Variants in RIMKLB observed in about 807,000 individuals in gnomAD.
The protein encoded by RIMKLB is ribosomal modification protein rimK like family member B, also known as beta-citrylglutamate synthase B.
RIMKLB carries 7 observed loss-of-function variants against 32.0 expected under a neutral mutation model. That is an observed-to-expected ratio of 0.22 (90% CI 0.12 to 0.41). The LOEUF (loss-of-function observed/expected upper bound fraction) is 0.41. Among genes scored for constraint, RIMKLB ranks in the 10% least tolerant of loss-of-function variants. The pLI is 1.00. For missense variants in RIMKLB, 289 were observed against 498.7 expected, an observed-to-expected ratio of 0.58 and a Z score of 4.00; for synonymous variants, 172 against 185.1, an observed-to-expected ratio of 0.93 and a Z score of 0.57.
intron 5 of RIMKLB, among the ~76,000 whole-genome samples, chr12:8,767,481 AG>A (rs1950063952): frequency 6.6e-6 from 1 of 152,200 alleles, no homozygotes; most frequent in Non-Finnish European, 1.5e-5. Flanking sequence ...ATTAGTACCT[AG>A]GAGGCAGGGA....
At chr12:8,753,789 G>T in intron 4 of RIMKLB, 101 bp from the exon 5 acceptor site, 1 of 902,228 alleles carries the variant, frequency 1.1e-6, no homozygotes, top group Non-Finnish European at 1.7e-6. Flanking sequence ...AATGTAGTTG[G>T]TTCTGAAATA....
At chr12:8,779,735 G>A (rs982155197), downstream of RIMKLB, 7 of 152,072 alleles carry the variant, frequency 4.6e-5, no homozygotes, top group African/African-American at 1.7e-4. Context: ...AGCTAATGTA[G>A]AATAAATTTG....
In RIMKLB at chr12:8,728,785, G is replaced by T. The variant is rs977671012; in HGVS notation, c.175+14744G>T. On this transcript the variant is annotated intron_variant, in intron 2 of 5. Coordinates refer to ENST00000535829, the MANE Select transcript of RIMKLB (RefSeq NM_001297776.2). The stretch of plus-strand genomic sequence containing the variant: ...TAATTGTGTGTGTGTGTGTGTGTGT[G>T]TGTTTTTGTTTGTTTGTTTGTTTGT... Among the ~76,000 whole-genome samples the T allele has an allele frequency of 1.1e-3, 162 of 143,256 alleles. 1 individual carries two copies. The highest frequency in any genetic ancestry group is 1.8e-3 in the Admixed American group (27 of 14,826). 94.0% of individuals were successfully genotyped at this position (143,256 alleles called of 152,430 possible).
rs1194244863 is a variant in RIMKLB, at chr12:8,776,801, G to A, written c.*3017G>A. 1 of 985,438 alleles carries A rather than the reference G, an allele frequency of 1.0e-6. No homozygotes were observed. The highest frequency in any genetic ancestry group is 1.2e-6 in the Non-Finnish European group (1 of 829,844). The allele number at this position is 985,438 out of a possible 1,614,324, so 61.0% of individuals were successfully genotyped here. On this transcript the variant is annotated 3_prime_UTR_variant, in exon 6 of 6. Transcript: ENST00000535829. Reference sequence around the variant, plus strand: ...CTGGAACAGTAGAAAAACCCAACAAGAGACTTGGCATTCATCAAGCACATT... The same window carrying A: ...CTGGAACAGTAGAAAAACCCAACAAAAGACTTGGCATTCATCAAGCACATT...
chr12:8,733,529 TAGAA>T (rs1162569835), intron 2 of RIMKLB, among the ~76,000 whole-genome samples: 5 of 152,130 alleles, frequency 3.3e-5, no homozygotes, highest in Non-Finnish European at 7.4e-5. Context: ...AGTGAGAAAC[TAGAA>T]TAAGTTGAGA....
intron 2 of RIMKLB, among the ~76,000 whole-genome samples, chr12:8,728,963 A>G (rs1221686632): frequency 6.6e-6 from 1 of 151,874 alleles, no homozygotes; most frequent in Non-Finnish European, 1.5e-5. Context: ...GGTGAACTCC[A>G]CTCACTTACT....
At chr12:8,750,140 G>C (rs757962762) in intron 3 of RIMKLB, 48 bp downstream of exon 3, 2 of 1,160,752 alleles carry the variant, frequency 1.7e-6, no homozygotes, top group Non-Finnish European at 2.6e-6. Flanking sequence ...ACCACTGATA[G>C]TTTTAATAGG....
chr12:8,744,582 A>G (rs1289449947), intron 2 of RIMKLB, among the ~76,000 whole-genome samples: 2 of 151,574 alleles, frequency 1.3e-5, no homozygotes, highest in Non-Finnish European at 2.9e-5. Flanking sequence ...CTTTCATTTA[A>G]TGGTTTTGAT....
chr12:8,771,285 G>C (rs1187797093), intron 5 of RIMKLB, among the ~76,000 whole-genome samples: 10 of 152,136 alleles, frequency 6.6e-5, no homozygotes, highest in Admixed American at 2.6e-4. Context: ...GTATGGGGCA[G>C]GACCTCATCT....
In RIMKLB at chr12:8,717,954, C is replaced by G. The variant is rs770804359; in HGVS notation, c.175+3913C>G. Among the ~76,000 whole-genome samples, 7 of 152,240 alleles carry G rather than the reference C, an allele frequency of 4.6e-5. No individual in the cohort carries two copies. In the South Asian group the frequency reaches 1.2e-3, roughly 27 times the overall value. On this transcript the variant is annotated intron_variant, in intron 2 of 5. Coordinates refer to ENST00000535829, the MANE Select transcript of RIMKLB (RefSeq NM_001297776.2). ...TAACGAATAATGTACTGTGCTGTTG[C>G]CTGTTGTAGCACTGTCCTTGGGCTA... is the stretch of plus-strand genomic sequence containing the variant.
chr12:8,772,099 G>A (rs1950454823), intron 5 of RIMKLB, among the ~76,000 whole-genome samples: 1 of 152,132 alleles, frequency 6.6e-6, no homozygotes, highest in Admixed American at 6.5e-5. Context: ...ATGTTGGCCA[G>A]GCTGGTCTTG....
At chr12:8,769,096 A>C (rs1465820251) in intron 5 of RIMKLB, among the ~76,000 whole-genome samples, 1 of 152,150 alleles carries the variant, frequency 6.6e-6, no homozygotes, top group Non-Finnish European at 1.5e-5. Flanking sequence ...ATTAATACAA[A>C]GCATTTTTCT....
At chr12:8,730,329 A>G (rs1854136207) in intron 2 of RIMKLB, among the ~76,000 whole-genome samples, 1 of 152,266 alleles carries the variant, frequency 6.6e-6, no homozygotes. Flanking sequence ...GGGCTCAGGC[A>G]GTCCTGCCTC....
intron 2 of RIMKLB, among the ~76,000 whole-genome samples, chr12:8,744,919 G>A (rs768899192): frequency 2.6e-5 from 4 of 151,736 alleles, no homozygotes; most frequent in Non-Finnish European, 5.9e-5. Flanking sequence ...ATAGGTATAC[G>A]TGTGCCATGT....
intron 1 of RIMKLB, among the ~76,000 whole-genome samples, chr12:8,685,969 G>A (rs1036498896): frequency 2.0e-5 from 3 of 152,126 alleles, no homozygotes; most frequent in East Asian, 1.9e-4. Flanking sequence ...CACCACGCCC[G>A]GCTAATTTTT....
upstream of RIMKLB, among the ~76,000 whole-genome samples, chr12:8,695,529 A>G (rs1942861019): frequency 6.6e-6 from 1 of 152,012 alleles, no homozygotes; most frequent in South Asian, 2.1e-4. Flanking sequence ...TCTTAACAAT[A>G]TCATGATAAT....
At chr12:8,773,245 A>T in intron 5 of RIMKLB, 76 bp from the exon 6 acceptor site, 2 of 1,006,908 alleles carry the variant, frequency 2.0e-6, no homozygotes, top group Non-Finnish European at 3.0e-6. Context: ...AGAAAGGCTT[A>T]GCCTTGGAGG....
downstream of RIMKLB, chr12:8,777,240 T>TTC (rs1950788570): frequency 1.0e-5 from 10 of 952,650 alleles, no homozygotes; most frequent in Admixed American, 6.8e-5. Flanking sequence ...TTTTTTTTTT[T>TTC]CTTCTTAAAA....
intron 5 of RIMKLB, among the ~76,000 whole-genome samples, chr12:8,764,299 GATTA>G (rs887770081): frequency 1.8e-4 from 28 of 152,080 alleles, no homozygotes; most frequent in African/African-American, 4.6e-4. Context: ...CAGACTTCAG[GATTA>G]ATTCCTTCCT....
Sources: allele counts gnomAD v4.1 joint callset (sites outside exome capture counted in the v4.1 genomes callset), GRCh38; gene constraint gnomAD v4.1.1; transcripts MANE v1.5; gene names NCBI Gene and HGNC (gene_info 2026-07-23, HGNC 2026-07-21).